Variants in CENPW observed in about 807,000 individuals in gnomAD.
The protein encoded by CENPW is centromere protein W, also known as cancer-up-regulated gene 2 protein.
CENPW carries 3 observed loss-of-function variants against 11.1 expected under a neutral mutation model. The ratio of observed to expected loss-of-function variants is 0.27; its 90% CI spans 0.12 to 0.70. The LOEUF is 0.70. CENPW is among the 30% of genes least tolerant of loss of function. The pLI, the probability that CENPW is intolerant of heterozygous loss-of-function variation, is 0.77. For synonymous variants in CENPW, 38 were observed against 42.0 expected, an observed-to-expected ratio of 0.91 and a Z score of 0.37; for missense variants, 100 against 105.6, an observed-to-expected ratio of 0.95 and a Z score of 0.23.
chr6:126,400,582 A>G, the CENPW span, among the ~76,000 whole-genome samples: 1 of 152,098 alleles, frequency 6.6e-6, no homozygotes, highest in Non-Finnish European at 1.5e-5. Context: ...GGTGTCTACA[A>G]TTAAATTTAA....
At chr6:126,358,809 A>G in the CENPW span, among the ~76,000 whole-genome samples, 2 of 152,244 alleles carry the variant, frequency 1.3e-5, no homozygotes, top group East Asian at 3.9e-4. Context: ...AACCAGGAAG[A>G]ACATGAAACC....
chr6:126,480,682 C>T, the CENPW span, among the ~76,000 whole-genome samples: 4 of 151,956 alleles, frequency 2.6e-5, no homozygotes, highest in Admixed American at 2.6e-4. Context: ...TAAGGAATGA[C>T]TCTTTTGTGG....
chr6:126,342,910 C>A (rs1780340628), intron 1 of CENPW, among the ~76,000 whole-genome samples: 1 of 151,958 alleles, frequency 6.6e-6, no homozygotes, highest in Non-Finnish European at 1.5e-5. Context: ...TTTTATTATT[C>A]TTCACTGGCT....
the CENPW span, among the ~76,000 whole-genome samples, chr6:126,454,421 T>C: frequency 6.6e-6 from 1 of 151,368 alleles, no homozygotes; most frequent in South Asian, 2.1e-4. Context: ...AGAAAATTGC[T>C]CAAAATCCTA....
the CENPW span, among the ~76,000 whole-genome samples, chr6:126,448,993 A>T: frequency 1.3e-5 from 2 of 151,138 alleles, no homozygotes; most frequent in South Asian, 4.2e-4. Context: ...CTTATCTGCC[A>T]TTACCATAAA....
At chr6:126,391,472 T>C in the CENPW span, among the ~76,000 whole-genome samples, 20 of 152,092 alleles carry the variant, frequency 1.3e-4, no homozygotes, top group African/African-American at 4.8e-4. Context: ...GCTTTTTAAC[T>C]CATTGTGATC....
intron 1 of CENPW, among the ~76,000 whole-genome samples, chr6:126,341,098 T>C (rs1780299105): frequency 6.6e-6 from 1 of 152,196 alleles, no homozygotes; most frequent in Non-Finnish European, 1.5e-5. Flanking sequence ...ACCTGAAGCA[T>C]AATGTTCTCC....
the CENPW span, among the ~76,000 whole-genome samples, chr6:126,411,903 CCTT>C: frequency 6.8e-6 from 1 of 146,768 alleles, no homozygotes; most frequent in Non-Finnish European, 1.5e-5. Flanking sequence ...TTCCTTCCTT[CCTT>C]CCTCCCTCCC....
At chr6:126,398,168 C>T in the CENPW span, among the ~76,000 whole-genome samples, 3 of 152,108 alleles carry the variant, frequency 2.0e-5, no homozygotes, top group Non-Finnish European at 4.4e-5. Context: ...TTATGGTTTC[C>T]CTACTTGTAT....
At chr6:126,378,465 GTT>G in the CENPW span, among the ~76,000 whole-genome samples, 156 of 146,404 alleles carry the variant, frequency 1.1e-3, no homozygotes, top group East Asian at 3.2e-3. Context: ...TGTCCCTTGA[GTT>G]TTTTTTTTTT....
chr6:126,459,516 G>A, the CENPW span, among the ~76,000 whole-genome samples: 2 of 151,444 alleles, frequency 1.3e-5, no homozygotes, highest in South Asian at 2.1e-4. Context: ...CCTTACAAAA[G>A]GATTTGTAAA....
At chr6:126,395,275 G>A in the CENPW span, among the ~76,000 whole-genome samples, 2 of 151,908 alleles carry the variant, frequency 1.3e-5, no homozygotes, top group East Asian at 3.9e-4. Flanking sequence ...CTGTCTTTAA[G>A]TTCACTAATT....
the CENPW span, among the ~76,000 whole-genome samples, chr6:126,374,893 G>C: frequency 1.3e-5 from 2 of 152,180 alleles, no homozygotes; most frequent in African/African-American, 4.8e-5. Flanking sequence ...TGAAACCTAT[G>C]CTCATCTTAC....
the CENPW span, among the ~76,000 whole-genome samples, chr6:126,358,801 C>T: frequency 2.6e-5 from 4 of 151,866 alleles, no homozygotes; most frequent in Non-Finnish European, 5.9e-5. Context: ...CAAGATTGAA[C>T]CAGGAAGAAC....
the CENPW span, among the ~76,000 whole-genome samples, chr6:126,461,392 G>T: frequency 6.6e-6 from 1 of 151,930 alleles, no homozygotes; most frequent in Non-Finnish European, 1.5e-5. Context: ...ACTAATACAT[G>T]TCCCAAATAC....
chr6:126,428,314 A>G, the CENPW span, among the ~76,000 whole-genome samples: 1 of 152,316 alleles, frequency 6.6e-6, no homozygotes, highest in African/African-American at 2.4e-5. Flanking sequence ...AATATCATTA[A>G]AAAATACATT....
At chr6:126,419,748 C>T in the CENPW span, among the ~76,000 whole-genome samples, 9 of 152,192 alleles carry the variant, frequency 5.9e-5, no homozygotes. Flanking sequence ...CTTCTAGACA[C>T]TTCCTGTATT....
chr6:126,342,016 G>T (rs1780320961), intron 1 of CENPW, among the ~76,000 whole-genome samples: 1 of 152,132 alleles, frequency 6.6e-6, no homozygotes, highest in Admixed American at 6.5e-5. Context: ...TATGCTCGTC[G>T]TGTTTGGCTT....
chr6:126,458,627 T>A, the CENPW span, among the ~76,000 whole-genome samples: 1 of 151,296 alleles, frequency 6.6e-6, no homozygotes, highest in Non-Finnish European at 1.5e-5. Flanking sequence ...ACACTGAGAA[T>A]CTTAGTAGAA....
Sources: gnomAD v4.1 joint callset for allele counts (sites outside exome capture counted in the v4.1 genomes callset) on GRCh38, gnomAD v4.1.1 for gene constraint, MANE v1.5 for transcripts, NCBI Gene and HGNC (gene_info 2026-07-23, HGNC 2026-07-21) for gene names.